EDARADD: variants seen among roughly 807,000 people sequenced by gnomAD.
The protein encoded by EDARADD is ectodysplasin-A receptor-associated adapter protein.
EDARADD carries 20 observed loss-of-function variants against 25.6 expected under a neutral mutation model. The ratio of observed to expected loss-of-function variants is 0.78; its 90% CI spans 0.55 to 1.14. The LOEUF (loss-of-function observed/expected upper bound fraction) is 1.14. Among genes scored for constraint, EDARADD ranks in the 50% most tolerant of loss-of-function variants. EDARADD has a pLI of 0.00. For synonymous variants in EDARADD, 86 were observed against 94.4 expected (o/e 0.91, Z 0.52); for missense variants, 225 against 270.1 (o/e 0.83, Z 1.17).
At chr1:236,443,445 C>G (rs1038336299) in intron 4 of EDARADD, among the ~76,000 whole-genome samples, 3 of 152,092 alleles carry the variant, frequency 2.0e-5, no homozygotes, top group African/African-American at 7.2e-5. Context: ...GAGAGGAGAT[C>G]AAAATATCAA....
In EDARADD at chr1:236,439,394, A is replaced by C. The variant is rs1466384112; in HGVS notation, c.219+11944A>C. Among the ~76,000 whole-genome samples the C allele has an allele frequency of 2.0e-5, 3 of 152,230 alleles. No homozygotes were observed. The East Asian group carries it at 5.8e-4, about 29-fold the overall frequency. ...AGCATGATTGCTGGCTCATACAGCA[A>C]GAGGCTGTTTAGGTTTCTAAGATGC... On this transcript the variant is annotated intron_variant, in intron 4 of 5. Transcript: ENST00000334232.
intron 3 of EDARADD, among the ~76,000 whole-genome samples, chr1:236,353,588 T>C (rs1301051533): frequency 6.9e-6 from 1 of 144,880 alleles, no homozygotes; most frequent in African/African-American, 2.6e-5. Flanking sequence ...CTGAGGCAGA[T>C]AATTACTTGA....
At chr1:236,389,263 C>T (rs552728674) in intron 3 of EDARADD, among the ~76,000 whole-genome samples, 9 of 152,172 alleles carry the variant, frequency 5.9e-5, no homozygotes, top group Admixed American at 1.3e-4. Flanking sequence ...GTGCCCTCTG[C>T]ACAGCCACAC....
chr1:236,425,530 T>C (rs371059321), intron 3 of EDARADD, among the ~76,000 whole-genome samples: 3 of 152,184 alleles, frequency 2.0e-5, no homozygotes, highest in South Asian at 2.1e-4. Flanking sequence ...TCACAAACAG[T>C]GCCTGTACAG....
At chr1:236,397,880 G>T (rs1266562209) in intron 1 of EDARADD, among the ~76,000 whole-genome samples, 1 of 151,940 alleles carries the variant, frequency 6.6e-6, no homozygotes, top group Non-Finnish European at 1.5e-5. Context: ...CTAACATATT[G>T]TTTCGTTTCT....
chr1:236,472,462 G>A (rs1049487618), intron 5 of EDARADD, among the ~76,000 whole-genome samples: 1 of 152,122 alleles, frequency 6.6e-6, no homozygotes, highest in Non-Finnish European at 1.5e-5. Flanking sequence ...TTCCCTGGGG[G>A]TTTGGTGGGG....
At chr1:236,380,573 T>C (rs747674301) in intron 3 of EDARADD, among the ~76,000 whole-genome samples, 68 of 152,326 alleles carry the variant, frequency 4.5e-4, no homozygotes, top group Non-Finnish European at 9.0e-4. Context: ...TAAAAATACA[T>C]AAATAAGTTA....
At chr1:236,466,879 C>T (rs891266745) in intron 4 of EDARADD, among the ~76,000 whole-genome samples, 2 of 152,198 alleles carry the variant, frequency 1.3e-5, no homozygotes, top group East Asian at 1.9e-4. Flanking sequence ...CCATCCCGGC[C>T]AACATGGTGA....
chr1:236,390,066 G>C (rs1411118693), upstream of EDARADD, among the ~76,000 whole-genome samples: 2 of 152,164 alleles, frequency 1.3e-5, no homozygotes, highest in African/African-American at 4.8e-5. Context: ...GATAGGAATG[G>C]AAAACCAAAC....
intron 3 of EDARADD, among the ~76,000 whole-genome samples, chr1:236,353,410 G>A (rs920840678): frequency 3.3e-5 from 5 of 152,264 alleles, no homozygotes; most frequent in African/African-American, 7.2e-5. Context: ...AGCCAGGCGC[G>A]GTGGCTCACA....
chr1:236,433,448 T>A (rs1313276577), intron 4 of EDARADD, among the ~76,000 whole-genome samples: 2 of 151,202 alleles, frequency 1.3e-5, no homozygotes, highest in Non-Finnish European at 2.9e-5. Context: ...GCAGCTGGGA[T>A]CACAGGCACC....
chr1:236,399,848 C>A (rs976768591), intron 1 of EDARADD, among the ~76,000 whole-genome samples: 1 of 152,202 alleles, frequency 6.6e-6, no homozygotes, highest in Non-Finnish European at 1.5e-5. Context: ...GACTCCACAC[C>A]GCAGGGCTGT....
intron 4 of EDARADD, among the ~76,000 whole-genome samples, chr1:236,461,974 A>C (rs1167915288): frequency 6.6e-6 from 1 of 152,164 alleles, no homozygotes; most frequent in East Asian, 1.9e-4. Flanking sequence ...TAAAGATCTA[A>C]TTGGCTTTTA....
intron 3 of EDARADD, among the ~76,000 whole-genome samples, chr1:236,417,196 T>C (rs1471782651): frequency 6.6e-6 from 1 of 152,226 alleles, no homozygotes; most frequent in Non-Finnish European, 1.5e-5. Flanking sequence ...AAGAGACTGA[T>C]TTATAGACTT....
chr1:236,369,115 T>C (rs1228974806), intron 3 of EDARADD, among the ~76,000 whole-genome samples: 1 of 152,184 alleles, frequency 6.6e-6, no homozygotes, highest in Non-Finnish European at 1.5e-5. Flanking sequence ...TTATAGTAAG[T>C]CTTGAAGCAA....
intron 5 of EDARADD, among the ~76,000 whole-genome samples, chr1:236,475,129 G>A (rs901872299): frequency 1.5e-4 from 22 of 151,434 alleles, no homozygotes; most frequent in African/African-American, 4.1e-4. Context: ...GCGAGACTCC[G>A]TCTCAAAAAA....
chr1:236,360,299 A>G (rs945329088), intron 3 of EDARADD, among the ~76,000 whole-genome samples: 6 of 152,010 alleles, frequency 3.9e-5, no homozygotes, highest in African/African-American at 1.4e-4. Context: ...CAGCCTGGAC[A>G]ACAGAGCTAG....
At chr1:236,410,625 C>T (rs1222209343) in intron 2 of EDARADD, among the ~76,000 whole-genome samples, 1 of 152,166 alleles carries the variant, frequency 6.6e-6, no homozygotes. Context: ...TGCTCTCTGT[C>T]AGGCAGCGTG....
intron 3 of EDARADD, among the ~76,000 whole-genome samples, chr1:236,359,792 G>T (rs1055880666): frequency 6.6e-6 from 1 of 152,280 alleles, no homozygotes; most frequent in African/African-American, 2.4e-5. Context: ...CCATGATTCA[G>T]TTACCTCCTA....
Sources: gnomAD v4.1 joint callset for allele counts (sites outside exome capture counted in the v4.1 genomes callset) on GRCh38, gnomAD v4.1.1 for gene constraint, MANE v1.5 for transcripts, NCBI Gene and HGNC (gene_info 2026-07-23, HGNC 2026-07-21) for gene names.